Variants in GRAMD2B observed in about 807,000 individuals in gnomAD.
GRAMD2B encodes the protein GRAM domain-containing protein 2B.
A neutral mutation model predicts 59.2 loss-of-function variants in GRAMD2B; 41 were observed. The ratio of observed to expected loss-of-function variants is 0.69; its 90% CI spans 0.54 to 0.90. The LOEUF (loss-of-function observed/expected upper bound fraction) is 0.90. GRAMD2B is among the 40% of genes least tolerant of loss of function. The pLI, the probability that GRAMD2B is intolerant of heterozygous loss-of-function variation, is 0.00. For synonymous variants in GRAMD2B, 161 were observed against 182.7 expected (o/e 0.88, Z 0.96); for missense variants, 424 against 500.5 (o/e 0.85, Z 1.46).
At chr5:126,479,616 TAGTA>T (rs142833585) in intron 6 of GRAMD2B, among the ~76,000 whole-genome samples, 1,776 of 152,196 alleles carry the variant, frequency 0.012, 32 homozygotes, top group African/African-American at 0.04. Context: ...GTCACCCACT[TAGTA>T]AGTGTAAGAG....
At chr5:126,443,422 G>GT (rs1174610774) in intron 1 of GRAMD2B, among the ~76,000 whole-genome samples, 4 of 152,180 alleles carry the variant, frequency 2.6e-5, no homozygotes, top group Non-Finnish European at 4.4e-5. Context: ...TCTAGTTTTA[G>GT]TAAGTGTTGT....
At chr5:126,431,752 GA>G (rs1380748883) in intron 1 of GRAMD2B, among the ~76,000 whole-genome samples, 4 of 150,806 alleles carry the variant, frequency 2.7e-5, no homozygotes, top group Non-Finnish European at 5.9e-5. Context: ...AAATAATACT[GA>G]GTTATATTGA....
At chr5:126,453,289 C>T (rs1765692087) in intron 1 of GRAMD2B, among the ~76,000 whole-genome samples, 1 of 148,798 alleles carries the variant, frequency 6.7e-6, no homozygotes, top group Non-Finnish European at 1.5e-5. Context: ...GAGCCAAGAT[C>T]ACGCCACTGC....
At chr5:126,436,910 G>A (rs1762505551) in intron 1 of GRAMD2B, among the ~76,000 whole-genome samples, 1 of 152,150 alleles carries the variant, frequency 6.6e-6, no homozygotes, top group Admixed American at 6.5e-5. Flanking sequence ...GGAAAAAGTA[G>A]CCTAAAATAA....
intron 3 of GRAMD2B, 35 bp downstream of exon 3, chr5:126,469,823 G>T (rs772018575): frequency 1.3e-6 from 2 of 1,483,410 alleles, no homozygotes; most frequent in African/African-American, 2.8e-5. Context: ...TGTCTTAGAG[G>T]GTGACAGGGC....
At chr5:126,461,031 CAT>C (rs1420419366) in intron 1 of GRAMD2B, among the ~76,000 whole-genome samples, 1 of 152,110 alleles carries the variant, frequency 6.6e-6, no homozygotes, top group South Asian at 2.1e-4. Context: ...CTTAGATTAA[CAT>C]GTGGGTAGAC....
At chr5:126,402,028 C>T in intron 1 of GRAMD2B, among the ~76,000 whole-genome samples, 1 of 152,076 alleles carries the variant, frequency 6.6e-6, no homozygotes, top group Middle Eastern at 3.2e-3. Context: ...TCATATATAG[C>T]TGAGAGTCTA....
chr5:126,476,023 A>T (rs1252801409), intron 5 of GRAMD2B, among the ~76,000 whole-genome samples: 2 of 152,012 alleles, frequency 1.3e-5, no homozygotes, highest in African/African-American at 4.8e-5. Flanking sequence ...CAGGAGAATC[A>T]CTTGAACCCA....
chr5:126,466,243 T>G, intron 2 of GRAMD2B: 1 of 1,548,408 alleles, frequency 6.5e-7, no homozygotes, highest in East Asian at 2.4e-5. Flanking sequence ...TCTTTTGGTC[T>G]TTGCTAAAAG....
In GRAMD2B at chr5:126,371,569, T is replaced by G. The variant is rs1754755700; in HGVS notation, c.125+2T>G. ...CAGCCCCAGCTCGGTGTTCCTCAGGTGGGTACAGCCTGGGCCTGGCCATCC... is the reference window on the plus strand; with the variant it reads ...CAGCCCCAGCTCGGTGTTCCTCAGGGGGGTACAGCCTGGGCCTGGCCATCC... On this transcript the variant is annotated splice_donor_variant, in intron 1 of 8. Transcript: ENST00000506445. LOFTEE classifies it high-confidence loss of function. 2 of 1,287,944 alleles carry G rather than the reference T, an allele frequency of 1.6e-6. No individual in the cohort carries two copies. The highest frequency in any genetic ancestry group is 2.3e-5 in the Admixed American group (1 of 43,400). The allele number at this position is 1,287,944 out of a possible 1,614,324, so 79.8% of individuals were successfully genotyped here. A position where few individuals can be genotyped will look rare whatever the true frequency, so the allele number is the denominator to read the frequency against.
Position 126,477,687 on chromosome 5 carries a change from T to C in GRAMD2B, c.487-5T>C, listed in dbSNP as rs771493518. The C allele has an allele frequency of 3.9e-6, 6 of 1,553,408 alleles. No individual in the cohort carries two copies. The highest frequency in any genetic ancestry group is 4.4e-6 in the Non-Finnish European group (5 of 1,124,836). On this transcript the variant is annotated splice_polypyrimidine_tract_variant and splice_region_variant and intron_variant, in intron 5 of 13. Coordinates refer to ENST00000285689, the MANE Select transcript of GRAMD2B (RefSeq NM_023927.4). ...ACTGGCATTAACTTGCTGATTCTGT[T>C]TCAGATCTCTATTCCAGCTTTCTCG...
chr5:126,481,528 C>T (rs1457259277), intron 8 of GRAMD2B, among the ~76,000 whole-genome samples: 2 of 152,224 alleles, frequency 1.3e-5, no homozygotes, highest in South Asian at 2.1e-4. Flanking sequence ...GGATTGAAAG[C>T]GTTTTCACAC....
chr5:126,456,756 A>C (rs945047670), intron 1 of GRAMD2B, among the ~76,000 whole-genome samples: 5 of 152,192 alleles, frequency 3.3e-5, no homozygotes, highest in Non-Finnish European at 7.4e-5. Context: ...CAGCAACATA[A>C]ATTTCTAATG....
intron 1 of GRAMD2B, among the ~76,000 whole-genome samples, chr5:126,382,763 A>C (rs1258003557): frequency 6.6e-6 from 1 of 152,108 alleles, no homozygotes; most frequent in Non-Finnish European, 1.5e-5. Context: ...GTGTTAAAAA[A>C]TCTTGTTTTG....
intron 1 of GRAMD2B, among the ~76,000 whole-genome samples, chr5:126,392,360 C>T (rs1027216375): frequency 6.6e-6 from 1 of 152,078 alleles, no homozygotes; most frequent in Non-Finnish European, 1.5e-5. Context: ...TACAGGCTTC[C>T]TTAGGCTCTT....
intron 4 of GRAMD2B, among the ~76,000 whole-genome samples, chr5:126,472,982 C>A (rs1451363724): frequency 6.6e-6 from 1 of 152,184 alleles, no homozygotes; most frequent in Non-Finnish European, 1.5e-5. Flanking sequence ...ACACACCAGG[C>A]TAAATAGAGG....
chr5:126,473,516 A>G (rs1257003414), intron 5 of GRAMD2B, 148 bp downstream of exon 5: 2 of 424,702 alleles, frequency 4.7e-6, no homozygotes, highest in East Asian at 3.6e-5. Flanking sequence ...TCCAAATACT[A>G]TGCATTCTAA....
chr5:126,399,444 T>C (rs557820082), intron 1 of GRAMD2B, among the ~76,000 whole-genome samples: 34 of 152,262 alleles, frequency 2.2e-4, no homozygotes, highest in Non-Finnish European at 4.7e-4. Flanking sequence ...TGTGCTGTTC[T>C]TGTAATAGTG....
intron 13 of GRAMD2B, among the ~76,000 whole-genome samples, chr5:126,491,466 C>G (rs543802530): frequency 1.1e-4 from 16 of 152,302 alleles, no homozygotes; most frequent in Admixed American, 7.8e-4. Context: ...ACCCACATAA[C>G]TCATCCTGCT....
Sources: gnomAD v4.1 joint callset for allele counts (sites outside exome capture counted in the v4.1 genomes callset) on GRCh38, gnomAD v4.1.1 for gene constraint, MANE v1.5 for transcripts, NCBI Gene and HGNC (gene_info 2026-07-23, HGNC 2026-07-21) for gene names.